The following ADAMTS6 variants were observed in gnomAD, a reference collection of about 807,000 sequenced individuals.
ADAMTS6 encodes the protein A disintegrin and metalloproteinase with thrombospondin motifs 6.
A neutral mutation model predicts 144.3 loss-of-function variants in ADAMTS6; 23 were observed. The ratio of observed to expected loss-of-function variants is 0.16; its 90% CI spans 0.11 to 0.23. ADAMTS6 has a LOEUF of 0.23. ADAMTS6 is among the 10% of genes least tolerant of loss of function. The pLI is 1.00. For synonymous variants in ADAMTS6, 444 were observed against 457.5 expected (o/e 0.97, Z 0.38); for missense variants, 999 against 1,379.6 (o/e 0.72, Z 4.37).
chr5:65,377,048 G>T (rs1158832130), intron 7 of ADAMTS6, among the ~76,000 whole-genome samples: 1 of 151,956 alleles, frequency 6.6e-6, no homozygotes, highest in African/African-American at 2.4e-5. Flanking sequence ...AAGAAAAACA[G>T]ATTAAGAAAA....
Position 65,313,726 on chromosome 5 carries a change from G to A in ADAMTS6, c.1224-13595C>T, listed in dbSNP as rs1440623549. 3.3e-5 allele frequency among the ~76,000 whole-genome samples: 5 copies of A among 152,126 alleles called. No homozygotes were observed. In the East Asian group the frequency reaches 9.6e-4, roughly 29 times the overall value. ...CTTTGAAACTTAATCAACTGACAGA[G>A]TAAAATGCTTCAGTCATGCTACATT... is the stretch of plus-strand genomic sequence containing the variant. On this transcript the variant is annotated intron_variant, in intron 9 of 24. Coordinates refer to ENST00000381055, the MANE Select transcript of ADAMTS6 (RefSeq NM_197941.4).
chr5:65,452,252 G>C lies in ADAMTS6; in HGVS notation c.844-36C>G, dbSNP rs1189953192. 1.9e-6 allele frequency: 3 copies of C among 1,587,626 alleles called. No homozygotes were observed. In the Admixed American group the frequency reaches 5.2e-5, roughly 28 times the overall value. ...GAAAATAAGAAAAGACACAAAGTCA[G>C]ACAAAAATTATAGGGTGATAGTTTG... is the stretch of plus-strand genomic sequence containing the variant. On this transcript the variant is annotated intron_variant, in intron 5 of 24. Coordinates refer to ENST00000381055, the MANE Select transcript of ADAMTS6 (RefSeq NM_197941.4).
chr5:65,250,176 T>A (rs1760028506), intron 14 of ADAMTS6, among the ~76,000 whole-genome samples: 1 of 152,236 alleles, frequency 6.6e-6, no homozygotes, highest in Non-Finnish European at 1.5e-5. Flanking sequence ...GTACTAGGAA[T>A]AGCACTAGAT....
intron 7 of ADAMTS6, among the ~76,000 whole-genome samples, chr5:65,398,908 G>T (rs1213210270): frequency 1.3e-5 from 2 of 152,126 alleles, no homozygotes; most frequent in Non-Finnish European, 2.9e-5. Context: ...GCTTTGTTTT[G>T]CTTAGGACTG....
chr5:65,326,599 G>C (rs909200239), intron 9 of ADAMTS6, among the ~76,000 whole-genome samples: 2 of 152,016 alleles, frequency 1.3e-5, no homozygotes, highest in Non-Finnish European at 2.9e-5. Flanking sequence ...ACTCAGTAGG[G>C]GCTCTTCTCA....
rs1477707072 is a variant in ADAMTS6, at chr5:65,444,797, C to T, written c.1073+6678G>A. On this transcript the variant is annotated intron_variant, in intron 7 of 24. Transcript: ENST00000381055. ...CCACATTTTTTTTTTGTTGCATATC[C>T]TTATAACTCTTCTAAAAGGACTTTG... is the stretch of plus-strand genomic sequence containing the variant. Among the ~76,000 whole-genome samples the T allele has an allele frequency of 1.3e-5, 2 of 151,992 alleles. 1 individual carries two copies. Among genetic ancestry groups the T allele is most frequent in the African/African-American group, 4.8e-5 (2 of 41,350 alleles).
chr5:65,210,641 C>T (rs1756460387), intron 20 of ADAMTS6: 2 of 609,828 alleles, frequency 3.3e-6, no homozygotes, highest in Admixed American at 4.0e-5. Context: ...TTGTCTATCC[C>T]TCACAGTACC....
intron 7 of ADAMTS6, among the ~76,000 whole-genome samples, chr5:65,406,666 T>C (rs1754533481): frequency 6.6e-6 from 1 of 152,138 alleles, no homozygotes; most frequent in African/African-American, 2.4e-5. Context: ...CCTCATAAAA[T>C]GAGTTGGGAG....
At position 65,214,480 on chromosome 5, in the gene ADAMTS6, T is replaced by C. The variant is rs547369970; in HGVS notation, c.2575+314A>G. 9.1e-4 allele frequency: 368 copies of C among 405,470 alleles called. 8 individuals are homozygous for C. Among genetic ancestry groups the C allele is most frequent in the South Asian group, 5.8e-3 (264 of 45,190 alleles). 25.1% of individuals were successfully genotyped at this position (405,470 alleles called of 1,614,324 possible). A position where few individuals can be genotyped will look rare whatever the true frequency, so the allele number is the denominator to read the frequency against. Reference sequence around the variant, plus strand: ...TTGCTCATTTTCTTTTTTAAAACTTTTGATGTTCTTTACCAAGAATGTGTT... The same window carrying C: ...TTGCTCATTTTCTTTTTTAAAACTTCTGATGTTCTTTACCAAGAATGTGTT... On this transcript the variant is annotated intron_variant, in intron 20 of 24. Transcript: ENST00000381055. The surrounding 1 kb of genome is among the most constrained non-coding windows in gnomAD (Gnocchi z 4.6).
chr5:65,351,194 C>G (rs566540885), intron 7 of ADAMTS6, among the ~76,000 whole-genome samples: 4 of 152,262 alleles, frequency 2.6e-5, no homozygotes, highest in East Asian at 1.9e-4. Context: ...CATCACATAT[C>G]TACAAGAGGT....
intron 7 of ADAMTS6, among the ~76,000 whole-genome samples, chr5:65,368,813 G>C (rs551320251): frequency 6.6e-6 from 1 of 152,294 alleles, no homozygotes; most frequent in Non-Finnish European, 1.5e-5. Flanking sequence ...TCAGCACTTT[G>C]GGAGGCCGAG....
rs60724352 is a variant in ADAMTS6, at chr5:65,284,142, C to T, written c.1512+7187G>A. Among the ~76,000 whole-genome samples, 602 of 152,090 alleles carry T rather than the reference C, an allele frequency of 4.0e-3. 6 individuals are homozygous for T. The highest frequency in any genetic ancestry group is 0.014 in the African/African-American group (575 of 41,500). On this transcript the variant is annotated intron_variant, in intron 11 of 24. Coordinates refer to ENST00000381055, the MANE Select transcript of ADAMTS6 (RefSeq NM_197941.4). ...ATTCTCAATAACAATGCAATAATAA[C>T]TGAATCTTTTTTAATTGGTGGTGAT...
chr5:65,300,226 A>T lies in ADAMTS6; in HGVS notation c.1224-95T>A, dbSNP rs769186148. The T allele has an allele frequency of 3.4e-5, 39 of 1,160,226 alleles. No individual in the cohort carries two copies. In the Middle Eastern group the frequency reaches 1.2e-3, roughly 35 times the overall value. The allele number at this position is 1,160,226 out of a possible 1,614,324, so 71.9% of individuals were successfully genotyped here. ...TATTTGGCCATTTATTAGCCTTATC[A>T]ACATATGCCTTCCATCAGGATAGGC... On this transcript the variant is annotated intron_variant, in intron 9 of 24. Transcript: ENST00000381055.
At chr5:65,227,645 A>G (rs1333845671) in intron 15 of ADAMTS6, among the ~76,000 whole-genome samples, 1 of 148,522 alleles carries the variant, frequency 6.7e-6, no homozygotes, top group Non-Finnish European at 1.5e-5. Flanking sequence ...GAAAAAGAAA[A>G]TCGACTGGGT....
chr5:65,395,953 A>G (rs936246820), intron 7 of ADAMTS6, among the ~76,000 whole-genome samples: 1 of 152,232 alleles, frequency 6.6e-6, no homozygotes, highest in Non-Finnish European at 1.5e-5. Flanking sequence ...GGGAACATAC[A>G]AACATTTAAC....
intron 4 of ADAMTS6, among the ~76,000 whole-genome samples, chr5:65,454,772 C>T (rs761971234): frequency 5.3e-5 from 8 of 152,180 alleles, no homozygotes; most frequent in Non-Finnish European, 1.2e-4. Context: ...AAAACTAAAG[C>T]TACCCATAAC....
intron 7 of ADAMTS6, among the ~76,000 whole-genome samples, chr5:65,432,557 C>A (rs1757075618): frequency 6.6e-6 from 1 of 151,970 alleles, no homozygotes; most frequent in Admixed American, 6.6e-5. Flanking sequence ...TCTCCACACC[C>A]CTGCCAGGAA....
At chr5:65,199,208 C>G (rs1755581392) in intron 20 of ADAMTS6, among the ~76,000 whole-genome samples, 1 of 152,028 alleles carries the variant, frequency 6.6e-6, no homozygotes, top group Admixed American at 6.6e-5. Flanking sequence ...GGTTATTTCT[C>G]AGGAAGGAAT....
chr5:65,295,443 A>G (rs978468736), intron 10 of ADAMTS6, among the ~76,000 whole-genome samples: 2 of 152,124 alleles, frequency 1.3e-5, no homozygotes, highest in African/African-American at 4.8e-5. Context: ...ATCAAATAAT[A>G]ATTTTAAACA....
Sources: gnomAD v4.1 joint callset for allele counts (sites outside exome capture counted in the v4.1 genomes callset) on GRCh38, gnomAD v4.1.1 for gene constraint, Gnocchi (gnomAD v3.1) non-coding constraint, MANE v1.5 for transcripts, NCBI Gene and HGNC (gene_info 2026-07-23, HGNC 2026-07-21) for gene names.